OPCML: variants seen among roughly 807,000 people sequenced by gnomAD.
OPCML encodes the protein opioid-binding protein/cell adhesion molecule.
Under a neutral mutation model 37.8 loss-of-function variants are expected in OPCML, and 13 were observed. The observed-to-expected ratio is 0.34, with a 90% CI of 0.22 to 0.55. The LOEUF (loss-of-function observed/expected upper bound fraction) is 0.55, where lower values mean the gene tolerates loss of function less well. Ranked by LOEUF, OPCML falls within the 20% of genes least tolerant of loss-of-function variation. The pLI is 0.91. For missense variants in OPCML, 341 were observed against 435.6 expected (o/e 0.78, Z 1.93); for synonymous variants, 176 against 168.8 (o/e 1.04, Z -0.33).
At chr11:133,488,012 G>T (rs4937777) in intron 1 of OPCML, among the ~76,000 whole-genome samples, 47,901 of 151,846 alleles carry the variant, frequency 0.32, 8,996 homozygotes, top group African/African-American at 0.51. Context: ...AACAAAAAAG[G>T]ATAAAAATCA....
At chr11:132,850,539 G>GTA (rs1941763345) in intron 2 of OPCML, among the ~76,000 whole-genome samples, 1 of 152,008 alleles carries the variant, frequency 6.6e-6, no homozygotes. Context: ...GTGTGTGTGT[G>GTA]TGTGTGTTTA....
At chr11:132,699,083 C>T (rs1473789772) in intron 2 of OPCML, among the ~76,000 whole-genome samples, 1 of 151,726 alleles carries the variant, frequency 6.6e-6, no homozygotes, top group Non-Finnish European at 1.5e-5. Context: ...CTTTTACCTC[C>T]TGGTTAAATT....
At chr11:132,877,242 C>T (rs1039778965) in intron 2 of OPCML, among the ~76,000 whole-genome samples, 4 of 152,040 alleles carry the variant, frequency 2.6e-5, no homozygotes, top group Admixed American at 2.6e-4. Context: ...TCTGAAATTC[C>T]CGGTCAGCAT....
chr11:133,072,656 G>A (rs752846440), intron 1 of OPCML, among the ~76,000 whole-genome samples: 22 of 152,180 alleles, frequency 1.4e-4, no homozygotes, highest in African/African-American at 2.2e-4. Flanking sequence ...AGTGCGCTAC[G>A]TATTGGAGAG....
At chr11:132,931,353 C>T (rs1489927258) in intron 2 of OPCML, among the ~76,000 whole-genome samples, 1 of 152,058 alleles carries the variant, frequency 6.6e-6, no homozygotes, top group African/African-American at 2.4e-5. Flanking sequence ...CCTTCTTCAT[C>T]AAAAGACACT....
At chr11:133,036,227 G>A (rs947778036) in intron 1 of OPCML, among the ~76,000 whole-genome samples, 25 of 152,174 alleles carry the variant, frequency 1.6e-4, no homozygotes, top group South Asian at 6.2e-4. Context: ...CAATGGTATC[G>A]AGTTAAGAAC....
intron 1 of OPCML, among the ~76,000 whole-genome samples, chr11:133,215,914 C>T (rs983216139): frequency 3.3e-5 from 5 of 152,168 alleles, no homozygotes; most frequent in African/African-American, 1.2e-4. Flanking sequence ...TCAGTTTACC[C>T]ATTTCCTCAG....
At position 133,390,334 on chromosome 11, in the gene OPCML, G is replaced by C. The variant is rs1033194637; in HGVS notation, c.61+141930C>G. Among the ~76,000 whole-genome samples the C allele has an allele frequency of 3.9e-4, 60 of 152,060 alleles. 3 individuals are homozygous for C. Among genetic ancestry groups the C allele is most frequent in the Non-Finnish European group, 5.9e-5 (4 of 68,000 alleles). On this transcript the variant is annotated intron_variant, in intron 1 of 7. Coordinates refer to ENST00000524381, the MANE Select transcript of OPCML (RefSeq NM_001012393.5). ...AAAAATTAGCCGGGTGTGGTGGCGG[G>C]CGCCTGTAGTCCCAGCTACTCGGGA... is the stretch of plus-strand genomic sequence containing the variant.
At chr11:133,255,001 GT>G (rs1305930954) in intron 1 of OPCML, among the ~76,000 whole-genome samples, 7 of 152,122 alleles carry the variant, frequency 4.6e-5, no homozygotes, top group Non-Finnish European at 8.8e-5. Context: ...GACATGCTAG[GT>G]TTTTTAAATC....
intron 4 of OPCML, among the ~76,000 whole-genome samples, chr11:132,517,294 A>C (rs775746776): frequency 5.3e-5 from 8 of 152,194 alleles, no homozygotes; most frequent in Non-Finnish European, 7.3e-5. Flanking sequence ...AAAGAAGTAT[A>C]AATGGCTTTG....
chr11:132,502,551 C>T (rs191687674), intron 4 of OPCML, among the ~76,000 whole-genome samples: 13 of 152,198 alleles, frequency 8.5e-5, no homozygotes, highest in Admixed American at 5.9e-4. Context: ...CAGAATGGGG[C>T]CACGGAATAC....
chr11:132,673,775 C>G (rs866647981), intron 2 of OPCML, among the ~76,000 whole-genome samples: 8 of 152,146 alleles, frequency 5.3e-5, no homozygotes, highest in African/African-American at 1.9e-4. Flanking sequence ...GATGACTTGT[C>G]AAAACAGCAA....
At chr11:132,825,312 G>A (rs1315924562) in intron 2 of OPCML, among the ~76,000 whole-genome samples, 2 of 152,028 alleles carry the variant, frequency 1.3e-5, no homozygotes, top group African/African-American at 4.8e-5. Context: ...CAATTGAAGG[G>A]CATCCATCGC....
chr11:133,304,851 G>A (rs779656468), intron 1 of OPCML, among the ~76,000 whole-genome samples: 50 of 152,110 alleles, frequency 3.3e-4, no homozygotes, highest in Non-Finnish European at 1.5e-4. Context: ...TTATGAAAAT[G>A]AATTTCAAAT....
At chr11:132,713,056 G>A (rs1944330723) in intron 2 of OPCML, among the ~76,000 whole-genome samples, 1 of 152,162 alleles carries the variant, frequency 6.6e-6, no homozygotes, top group South Asian at 2.1e-4. Flanking sequence ...CCCCCTCATA[G>A]ATCCCTATCC....
chr11:132,601,781 C>A (rs1481291883), intron 3 of OPCML, among the ~76,000 whole-genome samples: 3 of 152,174 alleles, frequency 2.0e-5, no homozygotes, highest in African/African-American at 7.2e-5. Flanking sequence ...TTAAAAGTTT[C>A]TTTATATTAT....
At chr11:132,583,677 C>T (rs748055876) in intron 3 of OPCML, among the ~76,000 whole-genome samples, 20 of 152,026 alleles carry the variant, frequency 1.3e-4, no homozygotes, top group Non-Finnish European at 2.6e-4. Context: ...AGTGTAATGG[C>T]GCAAACTCAG....
At chr11:132,929,019 A>G (rs1945095833) in intron 2 of OPCML, among the ~76,000 whole-genome samples, 1 of 151,880 alleles carries the variant, frequency 6.6e-6, no homozygotes, top group African/African-American at 2.4e-5. Context: ...AAAACACTCA[A>G]CAATCTAATT....
chr11:132,674,205 C>T (rs529803981), intron 2 of OPCML, among the ~76,000 whole-genome samples: 1 of 152,272 alleles, frequency 6.6e-6, no homozygotes, highest in South Asian at 2.1e-4. Flanking sequence ...AGAAATTTTA[C>T]TATAAATCCA....
Sources: allele counts gnomAD v4.1 joint callset (sites outside exome capture counted in the v4.1 genomes callset), GRCh38; gene constraint gnomAD v4.1.1; transcripts MANE v1.5; gene names NCBI Gene and HGNC (gene_info 2026-07-23, HGNC 2026-07-21).